FOXK1: variants seen among roughly 807,000 people sequenced by gnomAD.
The protein encoded by FOXK1 is forkhead box protein K1.
FOXK1 carries 19 observed loss-of-function variants against 51.9 expected under a neutral mutation model. The ratio of observed to expected loss-of-function variants is 0.37; its 90% confidence interval spans 0.26 to 0.54. The LOEUF is 0.54. Among genes scored for constraint, FOXK1 ranks in the 20% least tolerant of loss-of-function variants. The probability of loss-of-function intolerance (pLI) is 0.87; values close to 1 mark genes in which losing one functional copy is unlikely to be tolerated. For missense variants in FOXK1, 870 were observed against 1,032.7 expected, an observed-to-expected ratio of 0.84 and a Z score of 2.16; for synonymous variants, 537 against 482.6, an observed-to-expected ratio of 1.11 and a Z score of -1.48.
At position 4,709,076 on chromosome 7, in the gene FOXK1, A is replaced by G. The variant is rs993925401; in HGVS notation, c.560+26208A>G. 2.6e-5 allele frequency among the ~76,000 whole-genome samples: 4 copies of G among 151,504 alleles called. No individual in the cohort carries two copies. Among genetic ancestry groups the G allele is most frequent in the African/African-American group, 4.8e-5 (2 of 41,284 alleles). ...GAGACTCTGTCTCAAAAAAAAAAAA[A>G]AAAGAAAAGAAAAGAAAAAGAAAAA... On this transcript the variant is annotated intron_variant, in intron 1 of 8. Transcript: ENST00000328914. This position sits in a 1 kb window ranked among gnomAD's most constrained non-coding sequence, Gnocchi z 5.6.
Position 4,771,199 on chromosome 7 carries a change from A to G in FOXK1, c.*8735A>G, listed in dbSNP as rs971421335. The G allele has an allele frequency of 6.6e-6, 1 of 152,244 alleles. No homozygotes were observed. The highest frequency in any genetic ancestry group is 2.4e-5 in the African/African-American group (1 of 41,080). 9.4% of individuals were successfully genotyped at this position (152,244 alleles called of 1,614,324 possible). A position where few individuals can be genotyped will look rare whatever the true frequency, so the allele number is the denominator to read the frequency against. On this transcript the variant is annotated 3_prime_UTR_variant, in exon 9 of 9. Coordinates refer to ENST00000328914, the MANE Select transcript of FOXK1 (RefSeq NM_001037165.2). ...TGTGTTTTCATTTCAAGTGGGATAC[A>G]GTATTTTTTTAATAAGGAGCCATAC...
chr7:4,748,102 T>C lies in FOXK1; in HGVS notation c.747-6357T>C. Among the ~76,000 whole-genome samples the C allele has an allele frequency of 6.6e-6, 1 of 152,124 alleles. No individual in the cohort carries two copies. Among genetic ancestry groups the C allele is most frequent in the Non-Finnish European group, 1.5e-5 (1 of 68,032 alleles). On this transcript the variant is annotated intron_variant, in intron 2 of 8. Coordinates refer to ENST00000328914, the MANE Select transcript of FOXK1 (RefSeq NM_001037165.2). The surrounding 1 kb of genome is among the most constrained non-coding windows in gnomAD (Gnocchi z 4.9). ...CGCCTCTGAAAATTTTCTTTCCCTA[T>C]TTGTTTATTTTTCCTTTTTCAGATT...
chr7:4,733,085 C>A lies in FOXK1; in HGVS notation c.561-7753C>A, dbSNP rs28368244. 1.4e-3 allele frequency among the ~76,000 whole-genome samples: 217 copies of A among 152,330 alleles called. No individual in the cohort carries two copies. The highest frequency in any genetic ancestry group is 5.0e-3 in the African/African-American group (206 of 41,570). ...CTTCTGTTCTGGGGCTTTTCACCCT[C>A]TTCCTGGATTCTTTCAGTTAGGACG... On this transcript the variant is annotated intron_variant, in intron 1 of 8. Transcript: ENST00000328914. The surrounding 1 kb of genome is among the most constrained non-coding windows in gnomAD (Gnocchi z 5.0).
intron 1 of FOXK1, among the ~76,000 whole-genome samples, chr7:4,713,532 G>T (rs1045594894): frequency 6.7e-6 from 1 of 150,066 alleles, no homozygotes; most frequent in East Asian, 2.0e-4. Context: ...TTGCTCTGTC[G>T]CCAGGCTGGA....
chr7:4,727,376 T>G (rs1780393478), intron 1 of FOXK1, among the ~76,000 whole-genome samples: 1 of 152,272 alleles, frequency 6.6e-6, no homozygotes, highest in East Asian at 1.9e-4. Flanking sequence ...AGTGTGATGG[T>G]GTGATCTCAG....
At chr7:4,720,847 C>T (rs1472962036) in intron 1 of FOXK1, among the ~76,000 whole-genome samples, 7 of 151,524 alleles carry the variant, frequency 4.6e-5, no homozygotes, top group Admixed American at 4.6e-4. Flanking sequence ...GCCTCCTGAG[C>T]ACCTGGAATT....
rs1359132961 is a variant in FOXK1, at chr7:4,711,557, C to T, written c.560+28689C>T. Among the ~76,000 whole-genome samples, 1 of 152,190 alleles carries T rather than the reference C, an allele frequency of 6.6e-6. No homozygotes were observed. Among genetic ancestry groups the T allele is most frequent in the African/African-American group, 2.4e-5 (1 of 41,442 alleles). ...GCCACTGGAGAACTGGCAGAAGCTCCTAGAGCAGTTGGATGGGGAGATCAG... is the reference window on the plus strand; with the variant it reads ...GCCACTGGAGAACTGGCAGAAGCTCTTAGAGCAGTTGGATGGGGAGATCAG... On this transcript the variant is annotated intron_variant, in intron 1 of 8. Coordinates refer to ENST00000328914, the MANE Select transcript of FOXK1 (RefSeq NM_001037165.2). The surrounding 1 kb of genome is among the most constrained non-coding windows in gnomAD (Gnocchi z 6.3).
At chr7:4,689,267 T>G (rs1435952773) in intron 1 of FOXK1, among the ~76,000 whole-genome samples, 1 of 152,146 alleles carries the variant, frequency 6.6e-6, no homozygotes, top group East Asian at 1.9e-4. Context: ...TGTGAGCCAC[T>G]GCACCCGGCC....
chr7:4,770,206 T>C lies in FOXK1; in HGVS notation c.*7742T>C, dbSNP rs991539493. 1 of 138,958 alleles carries C rather than the reference T, an allele frequency of 7.2e-6. No individual in the cohort carries two copies. Among genetic ancestry groups the C allele is most frequent in the Non-Finnish European group, 1.6e-5 (1 of 62,136 alleles). The allele number at this position is 138,958 out of a possible 1,614,324, so 8.6% of individuals were successfully genotyped here. A position where few individuals can be genotyped will look rare whatever the true frequency, so the allele number is the denominator to read the frequency against. On this transcript the variant is annotated 3_prime_UTR_variant, in exon 9 of 9. Coordinates refer to ENST00000328914, the MANE Select transcript of FOXK1 (RefSeq NM_001037165.2). ...AAATCTCCAGGTTAACTGGTCCAGATTTTTTTTTTTTAATCAGTAACAATG... is the reference window on the plus strand; with the variant it reads ...AAATCTCCAGGTTAACTGGTCCAGACTTTTTTTTTTTAATCAGTAACAATG...
chr7:4,683,982 G>A lies in FOXK1; in HGVS notation c.560+1114G>A, dbSNP rs369985591. Among the ~76,000 whole-genome samples, 18 of 152,256 alleles carry A rather than the reference G, an allele frequency of 1.2e-4. No individual in the cohort carries two copies. In the South Asian group the frequency reaches 3.3e-3, roughly 28 times the overall value. On this transcript the variant is annotated intron_variant, in intron 1 of 8. Transcript: ENST00000328914. This position sits in a 1 kb window ranked among gnomAD's most constrained non-coding sequence, Gnocchi z 4.5. ...GATCAAATTAGATTCCCCCGGGCCC[G>A]AGGTCACCAGGGCAGAGAGACCCAG...
intron 1 of FOXK1, among the ~76,000 whole-genome samples, chr7:4,700,200 T>C (rs927267061): frequency 2.0e-5 from 3 of 152,222 alleles, no homozygotes; most frequent in Admixed American, 6.5e-5. Flanking sequence ...CTGAGTTTTG[T>C]TGGGGCAGGA....
In FOXK1 at chr7:4,733,889, G is replaced by A. The variant is rs567838194; in HGVS notation, c.561-6949G>A. Among the ~76,000 whole-genome samples, 4 of 152,278 alleles carry A rather than the reference G, an allele frequency of 2.6e-5. No homozygotes were observed. The highest frequency in any genetic ancestry group is 4.8e-5 in the African/African-American group (2 of 41,568). ...CCTCTCTCTGGCCGTCATAGCCAGCGCCATGGGATTGGGGAAGCCACAGGG... is the reference window on the plus strand; with the variant it reads ...CCTCTCTCTGGCCGTCATAGCCAGCACCATGGGATTGGGGAAGCCACAGGG... On this transcript the variant is annotated intron_variant, in intron 1 of 8. Coordinates refer to ENST00000328914, the MANE Select transcript of FOXK1 (RefSeq NM_001037165.2). This position sits in a 1 kb window ranked among gnomAD's most constrained non-coding sequence, Gnocchi z 5.0.
At position 4,722,499 on chromosome 7, in the gene FOXK1, G is replaced by T. The variant is rs1331889184; in HGVS notation, c.561-18339G>T. 6.6e-6 allele frequency among the ~76,000 whole-genome samples: 1 copy of T among 152,188 alleles called. No homozygotes were observed. Among genetic ancestry groups the T allele is most frequent in the African/African-American group, 2.4e-5 (1 of 41,458 alleles). On this transcript the variant is annotated intron_variant, in intron 1 of 8. Transcript: ENST00000328914. This position sits in a 1 kb window ranked among gnomAD's most constrained non-coding sequence, Gnocchi z 5.1. ...CAGGGCAGTGGGCTGCTCAGCACCA[G>T]TGGCCTCAGCCCAGTGCCAGCGTGC...
Position 4,762,812 on chromosome 7 carries a change from G to A in FOXK1, c.*348G>A, listed in dbSNP as rs887843268. 1.2e-4 allele frequency: 31 copies of A among 267,014 alleles called. No individual in the cohort carries two copies. Among genetic ancestry groups the A allele is most frequent in the South Asian group, 4.6e-4 (9 of 19,572 alleles). 16.5% of individuals were successfully genotyped at this position (267,014 alleles called of 1,614,324 possible). On this transcript the variant is annotated 3_prime_UTR_variant, in exon 9 of 9. Coordinates refer to ENST00000328914, the MANE Select transcript of FOXK1 (RefSeq NM_001037165.2). The surrounding 1 kb of genome is among the most constrained non-coding windows in gnomAD (Gnocchi z 5.7). ...AGGAATGTGTCAAGACAGCCCCTCC[G>A]CTCCGCGCTGCACGGCCAGCCGCCT... is the stretch of plus-strand genomic sequence containing the variant.
intron 1 of FOXK1, among the ~76,000 whole-genome samples, chr7:4,701,493 C>T (rs889325576): frequency 6.6e-6 from 1 of 152,166 alleles, no homozygotes; most frequent in African/African-American, 2.4e-5. Context: ...TGGTGGCTCA[C>T]ACCAGTAATC....
rs56251793 is a variant in FOXK1, at chr7:4,713,488, GTTT to G, written c.561-27341_561-27339del. ...ACAAGAGAATTTGCATAACCACCGT[GTTT>G]TTTTTTTTGTTTTTTTTTTGAGGCG... On this transcript the variant is annotated intron_variant, in intron 1 of 8. Transcript: ENST00000328914. Among the ~76,000 whole-genome samples the G allele has an allele frequency of 3.4e-5, 5 of 147,548 alleles. No homozygotes were observed. The East Asian group carries it at 1.0e-3, about 30-fold the overall frequency.
intron 2 of FOXK1, among the ~76,000 whole-genome samples, chr7:4,742,821 C>T (rs1780652154): frequency 6.6e-6 from 1 of 152,218 alleles, no homozygotes; most frequent in Non-Finnish European, 1.5e-5. Flanking sequence ...GCTTTGCCGA[C>T]AAGTTACCAG....
At position 4,762,218 on chromosome 7, in the gene FOXK1, A is replaced by G. The variant is rs1300638935; in HGVS notation, c.1956A>G (p.Gln652=). The G allele has an allele frequency of 6.4e-7, 1 of 1,555,722 alleles. No homozygotes were observed. Among genetic ancestry groups the G allele is most frequent in the East Asian group, 2.4e-5 (1 of 41,038 alleles). The change falls in exon 9 of 9, where the codon CAA becomes CAG. Residue 652 remains glutamine, a synonymous_variant. Transcript: ENST00000328914. The surrounding 1 kb of genome is among the most constrained non-coding windows in gnomAD (Gnocchi z 5.7). ...LTSPLQLLAT[Q]ASSSAPVVVT... ...GCCCTTTGCAGCTCCTTGCGACCCA[A>G]GCGAGTTCATCCGCGCCGGTGGTGG... is the stretch of plus-strand genomic sequence containing the variant.
At chr7:4,740,800 C>T (rs1407365570) in intron 1 of FOXK1, 38 bp from the exon 2 acceptor site, 1 of 1,577,092 alleles carries the variant, frequency 6.3e-7, no homozygotes, top group Non-Finnish European at 8.6e-7. Flanking sequence ...TCTTGAGTCT[C>T]CTCCTGCACC....
Sources: gnomAD v4.1 joint callset for allele counts (sites outside exome capture counted in the v4.1 genomes callset) on GRCh38, gnomAD v4.1.1 for gene constraint, Gnocchi (gnomAD v3.1) non-coding constraint, MANE v1.5 for transcripts, NCBI Gene and HGNC (gene_info 2026-07-23, HGNC 2026-07-21) for gene names.